FNTB: variants seen among roughly 807,000 people sequenced by gnomAD.
FNTB encodes the protein protein farnesyltransferase subunit beta.
FNTB carries 27 observed loss-of-function variants against 59.4 expected under a neutral mutation model. The ratio of observed to expected loss-of-function variants is 0.45; its 90% CI spans 0.34 to 0.63. The LOEUF (loss-of-function observed/expected upper bound fraction) is 0.63, where lower values mean the gene tolerates loss of function less well. FNTB is among the 20% of genes least tolerant of loss of function. FNTB has a pLI of 0.02. For missense variants in FNTB, 449 were observed against 559.6 expected (o/e 0.80, Z 1.99); for synonymous variants, 230 against 220.7 (o/e 1.04, Z -0.37).
intron 1 of FNTB, among the ~76,000 whole-genome samples, chr14:64,999,893 C>T (rs1888533628): frequency 6.6e-6 from 1 of 152,166 alleles, no homozygotes; most frequent in Non-Finnish European, 1.5e-5. Context: ...GAGAAGGACA[C>T]TATGTTGGGA....
intron 4 of FNTB, among the ~76,000 whole-genome samples, chr14:65,026,484 T>TA (rs771936288): frequency 4.2e-4 from 64 of 152,168 alleles, no homozygotes; most frequent in Non-Finnish European, 7.9e-4. Flanking sequence ...CAGCTCCTCT[T>TA]ATGTTTACCG....
At chr14:65,057,691 T>G (rs1373349419) in intron 11 of FNTB, among the ~76,000 whole-genome samples, 1 of 152,224 alleles carries the variant, frequency 6.6e-6, no homozygotes, top group Non-Finnish European at 1.5e-5. Context: ...AAGCTTGCTT[T>G]TTTAATCTAG....
chr14:65,015,730 T>G lies in FNTB; in HGVS notation c.374+14T>G. ...AGTGGCTACAGAGTGAGTCTGTCTT[T>G]GGGAAATCTGGGGTGTTCTCTGAAA... On this transcript the variant is annotated intron_variant, in intron 4 of 11. Transcript: ENST00000246166. 2 of 1,611,654 alleles carry G rather than the reference T, an allele frequency of 1.2e-6. No individual in the cohort carries two copies. The highest frequency in any genetic ancestry group is 1.7e-6 in the Non-Finnish European group (2 of 1,178,210).
At chr14:65,016,477 C>T (rs544808101) in intron 4 of FNTB, 1 of 152,352 alleles carries the variant, frequency 6.6e-6, no homozygotes, top group South Asian at 2.1e-4. Flanking sequence ...TCTCAGCTTC[C>T]TCTGGTGCTC....
intron 4 of FNTB, among the ~76,000 whole-genome samples, chr14:65,015,954 TG>T (rs1327327395): frequency 6.6e-6 from 1 of 152,216 alleles, no homozygotes; most frequent in African/African-American, 2.4e-5. Context: ...GTTTCTTCTG[TG>T]GCCTTTTCTT....
At position 65,030,825 on chromosome 14, in the gene FNTB, T is replaced by A. The variant is rs1271859428; in HGVS notation, c.606-1785T>A. 1.3e-5 allele frequency among the ~76,000 whole-genome samples: 2 copies of A among 152,194 alleles called. No individual in the cohort carries two copies. The highest frequency in any genetic ancestry group is 2.4e-5 in the African/African-American group (1 of 41,450). On this transcript the variant is annotated intron_variant, in intron 6 of 11. Coordinates refer to ENST00000246166, the MANE Select transcript of FNTB (RefSeq NM_002028.4). The surrounding 1 kb of genome is among the most constrained non-coding windows in gnomAD (Gnocchi z 4.5). Reference sequence around the variant, plus strand: ...AATATACTTTTTGTTTGTTTTGTTTTGAGATGGAGTTTCTTTCTGTTGCCC... The same window carrying A: ...AATATACTTTTTGTTTGTTTTGTTTAGAGATGGAGTTTCTTTCTGTTGCCC...
chr14:65,028,579 T>C lies in FNTB; in HGVS notation c.605+798T>C, dbSNP rs956728581. 1.3e-5 allele frequency among the ~76,000 whole-genome samples: 2 copies of C among 152,218 alleles called. No homozygotes were observed. Among genetic ancestry groups the C allele is most frequent in the African/African-American group, 4.8e-5 (2 of 41,446 alleles). ...CTGGCTTAAGCATCTGGTTTAACCA[T>C]TGGTTTGAAAGTATAGGGGAGGAAA... On this transcript the variant is annotated intron_variant, in intron 6 of 11. Coordinates refer to ENST00000246166, the MANE Select transcript of FNTB (RefSeq NM_002028.4). The surrounding 1 kb of genome is among the most constrained non-coding windows in gnomAD (Gnocchi z 4.4).
chr14:65,015,646 T>C lies in FNTB; in HGVS notation c.304T>C (p.Trp102Arg). Residue 102 changes from tryptophan to arginine, a missense_variant, in exon 4 of 12, where the codon TGG (tryptophan) becomes CGG (arginine). Around this residue, in one of 2 missense-constraint regions of FNTB, gnomAD observed 337 missense variants for 479.1 expected, o/e 0.70. Transcript: ENST00000246166. ...AYECLDASRP[W>R]LCYWILHSLE... ...CCAGTGTCTGGATGCCAGCCGCCCA[T>C]GGCTCTGCTATTGGATCCTGCACAG... 1 of 1,614,186 alleles carries C rather than the reference T, an allele frequency of 6.2e-7. No homozygotes were observed.
Position 65,008,946 on chromosome 14 carries a change from C to T in FNTB, c.210-3371C>T, listed in dbSNP as rs546365792. On this transcript the variant is annotated intron_variant, in intron 2 of 11. Coordinates refer to ENST00000246166, the MANE Select transcript of FNTB (RefSeq NM_002028.4). ...TCCTGTCACCCTCTGCACAGTGAGA[C>T]GGGGGCCCTCCTCATCCACTTGAGC... 1.2e-4 allele frequency among the ~76,000 whole-genome samples: 19 copies of T among 152,308 alleles called. 1 individual carries two copies. Among genetic ancestry groups the T allele is most frequent in the African/African-American group, 3.8e-4 (16 of 41,582 alleles).
At chr14:65,034,610 G>C (rs2062150588) in intron 7 of FNTB, among the ~76,000 whole-genome samples, 4 of 152,222 alleles carry the variant, frequency 2.6e-5, no homozygotes, top group Admixed American at 2.6e-4. Context: ...AGCTATAGTT[G>C]AGAGCTGGAG....
Position 65,017,308 on chromosome 14 carries a change from A to T in FNTB, c.374+1592A>T, listed in dbSNP as rs529580470. Among the ~76,000 whole-genome samples, 12 of 152,202 alleles carry T rather than the reference A, an allele frequency of 7.9e-5. 1 individual carries two copies. The highest frequency in any genetic ancestry group is 2.9e-4 in the African/African-American group (12 of 41,518). ...ACTCCTACACAATCAGGATATTTGGAAAGTTTTCCCTTCACTCTTGCACAA... is the reference window on the plus strand; with the variant it reads ...ACTCCTACACAATCAGGATATTTGGTAAGTTTTCCCTTCACTCTTGCACAA... On this transcript the variant is annotated intron_variant, in intron 4 of 11. Coordinates refer to ENST00000246166, the MANE Select transcript of FNTB (RefSeq NM_002028.4).
intron 4 of FNTB, among the ~76,000 whole-genome samples, chr14:65,019,004 G>A (rs1256688666): frequency 6.6e-6 from 1 of 151,936 alleles, no homozygotes; most frequent in African/African-American, 2.4e-5. Context: ...TACTCAGGAG[G>A]CTGTTTGTTT....
Position 65,044,363 on chromosome 14 carries a change from G to A in FNTB, c.875G>A (p.Cys292Tyr). ...TTTGAAGGAGGATTTCAGGGCCGCT[G>A]CAACAAGCTGGTGGATGGCTGCTAC... ...MRFEGGFQGR[C>Y]NKLVDGCYSF... The change falls in exon 9 of 12, where the codon TGC becomes TAC. Residue 292 changes from cysteine to tyrosine, a missense_variant. Cys to Tyr is a radical substitution (Grantham distance 194). Transcript: ENST00000246166. This position sits in a 1 kb window ranked among gnomAD's most constrained non-coding sequence, Gnocchi z 5.5. The A allele has an allele frequency of 3.1e-6, 5 of 1,613,498 alleles. No homozygotes were observed. Among genetic ancestry groups the A allele is most frequent in the Non-Finnish European group, 4.2e-6 (5 of 1,179,792 alleles).
At chr14:65,036,239 A>T (rs2062189936) in intron 7 of FNTB, among the ~76,000 whole-genome samples, 1 of 151,648 alleles carries the variant, frequency 6.6e-6, no homozygotes, top group Non-Finnish European at 1.5e-5. Flanking sequence ...AATTTAATTT[A>T]ATTTATTTAT....
At chr14:65,049,933 G>A (rs1410976402) in intron 9 of FNTB, among the ~76,000 whole-genome samples, 1 of 151,830 alleles carries the variant, frequency 6.6e-6, no homozygotes, top group African/African-American at 2.4e-5. Context: ...AAAGGAAATC[G>A]TGAAGGAAAA....
chr14:65,056,259 A>G (rs956610979), intron 11 of FNTB, among the ~76,000 whole-genome samples: 10 of 152,306 alleles, frequency 6.6e-5, no homozygotes, highest in Admixed American at 5.2e-4. Context: ...CATTTTAACT[A>G]TTATATGATA....
intron 4 of FNTB, among the ~76,000 whole-genome samples, chr14:65,024,271 G>T (rs527458626): frequency 1.3e-5 from 2 of 152,234 alleles, no homozygotes; most frequent in South Asian, 4.1e-4. Context: ...CTGCCACCTG[G>T]GTCCCACCCA....
intron 2 of FNTB, 93 bp downstream of exon 2, chr14:65,004,406 G>C: frequency 2.3e-6 from 3 of 1,324,966 alleles, no homozygotes; most frequent in South Asian, 1.4e-5. Flanking sequence ...TAACCACGGG[G>C]AGCATCTGCT....
chr14:65,000,796 G>GGCAA (rs1888564631), intron 1 of FNTB, among the ~76,000 whole-genome samples: 1 of 101,152 alleles, frequency 9.9e-6, no homozygotes, highest in Non-Finnish European at 2.2e-5. Flanking sequence ...CTCCAGCCTG[G>GGCAA]CAGAGCCAGA....
Sources: allele counts gnomAD v4.1 joint callset (sites outside exome capture counted in the v4.1 genomes callset), GRCh38; gene constraint gnomAD v4.1.1; regional missense constraint gnomAD v4.1.1; non-coding constraint Gnocchi (gnomAD v3.1); transcripts MANE v1.5; gene names NCBI Gene and HGNC (gene_info 2026-07-23, HGNC 2026-07-21).